HERC6: variants seen among roughly 807,000 people sequenced by gnomAD.
HERC6 encodes the protein HECT and RLD domain containing E3 ubiquitin protein ligase family member 6.
A neutral mutation model predicts 114.5 loss-of-function variants in HERC6; 101 were observed. The observed-to-expected ratio is 0.88, with a 90% CI of 0.75 to 1.04. The LOEUF is 1.04. Ranked by LOEUF, HERC6 falls within the 50% of genes least tolerant of loss-of-function variation. The pLI is 0.00. For synonymous variants in HERC6, 408 were observed against 436.2 expected, an observed-to-expected ratio of 0.94 and a Z score of 0.81; for missense variants, 1,133 against 1,230.9, an observed-to-expected ratio of 0.92 and a Z score of 1.19.
At chr4:88,383,763 C>CA (rs753643806) in intron 2 of HERC6, among the ~76,000 whole-genome samples, 1,219 of 28,772 alleles carry the variant, frequency 0.042, 352 homozygotes, top group Non-Finnish European at 0.047. Flanking sequence ...GACTCAGTCT[C>CA]AAAAAAAAAA....
At chr4:88,416,446 T>A (rs6841213) in intron 12 of HERC6, among the ~76,000 whole-genome samples, 69,155 of 151,520 alleles carry the variant, frequency 0.46, 19,302 homozygotes, top group African/African-American at 0.77. Flanking sequence ...CTATTAAAAA[T>A]TTTTTTTTAC....
Position 88,423,954 on chromosome 4 carries a change from T to G in HERC6, c.1808T>G (p.Leu603Arg). 6.6e-7 allele frequency: 1 copy of G among 1,504,326 alleles called. No individual in the cohort carries two copies. Among genetic ancestry groups the G allele is most frequent in the African/African-American group, 1.4e-5 (1 of 70,370 alleles). 93.2% of individuals were successfully genotyped at this position (1,504,326 alleles called of 1,614,324 possible). A position where few individuals can be genotyped will look rare whatever the true frequency, so the allele number is the denominator to read the frequency against. The stretch of plus-strand genomic sequence containing the variant: ...TTTTATATAGATAGAGGAAGACAGC[T>G]CTTTCGGGATAACCACCTGGTAAGA... ...LNFYIDRGRQ[L>R]FRDNHLIPAE... The change falls in exon 14 of 23, where the codon CTC becomes CGC. Residue 603 changes from leucine (L) to arginine (R), a missense_variant. Coordinates refer to ENST00000264346, the MANE Select transcript of HERC6 (RefSeq NM_017912.4).
intron 2 of HERC6, 52 bp from the exon 3 acceptor site, chr4:88,385,447 G>A: frequency 1.2e-6 from 1 of 848,662 alleles, no homozygotes; most frequent in Non-Finnish European, 1.9e-6. Flanking sequence ...TAGTCCACCG[G>A]ACAACTCGCT....
At chr4:88,430,569 C>CAAATAAATAAATAAATAAAT (rs375978104) in intron 16 of HERC6, among the ~76,000 whole-genome samples, 7 of 141,238 alleles carry the variant, frequency 5.0e-5, no homozygotes, top group African/African-American at 1.9e-4. Context: ...GACTCCATCT[C>CAAATAAATAAATAAATAAAT]AAATAAATAA....
Position 88,428,738 on chromosome 4 carries a change from CA to C in HERC6, c.2097del (p.Val700TyrfsTer2). The C allele has an allele frequency of 6.4e-7, 1 of 1,571,364 alleles. No homozygotes were observed. Among genetic ancestry groups the C allele is most frequent in the South Asian group, 1.2e-5 (1 of 82,736 alleles). ...GTCAAGCTGAAGCTACTGACTTCTG[CA>C]AAGTATTAGTGGTACAGTAAAAAGT... ...LSQAEATDFCKVLVVEFINEI... is the reference protein window; with the variant it reads ...LSQAEATDFCXVLVVEFINEI... On this transcript the variant is annotated frameshift_variant, in exon 16 of 23. Coordinates refer to ENST00000264346, the MANE Select transcript of HERC6 (RefSeq NM_017912.4). LOFTEE classifies it high-confidence loss of function.
At chr4:88,396,779 T>C (rs1278059915) in intron 6 of HERC6, 72 bp from the exon 7 acceptor site, 2 of 1,367,526 alleles carry the variant, frequency 1.5e-6, no homozygotes, top group Non-Finnish European at 1.9e-6. Flanking sequence ...TTATTTTGTC[T>C]TAAGGGACAT....
intron 13 of HERC6, among the ~76,000 whole-genome samples, 172 bp downstream of exon 13, chr4:88,417,751 TTGAGAA>T (rs1736631030): frequency 6.6e-6 from 1 of 152,060 alleles, no homozygotes; most frequent in Non-Finnish European, 1.5e-5. Flanking sequence ...GATTTAAAAG[TTGAGAA>T]ACTTTAGGAG....
At chr4:88,402,866 A>G (rs932913205) in intron 8 of HERC6, among the ~76,000 whole-genome samples, 1 of 152,006 alleles carries the variant, frequency 6.6e-6, no homozygotes, top group Non-Finnish European at 1.5e-5. Context: ...ATGTGGGGGG[A>G]AAAACTCTTC....
chr4:88,395,696 T>A (rs5025386), intron 5 of HERC6, among the ~76,000 whole-genome samples: 13,330 of 151,940 alleles, frequency 0.088, 712 homozygotes, highest in East Asian at 0.23. Context: ...TTTTTTTTTT[T>A]AAATTTGTGT....
At chr4:88,406,143 A>G (rs544648004) in intron 10 of HERC6, among the ~76,000 whole-genome samples, 114 of 152,326 alleles carry the variant, frequency 7.5e-4, no homozygotes, top group African/African-American at 2.6e-3. Flanking sequence ...GCTCTCCAAT[A>G]TGGCACCTGT....
chr4:88,437,753 A>C lies in HERC6; in HGVS notation c.2527A>C (p.Ile843Leu). The change falls in exon 20 of 23, where the codon ATC (isoleucine) becomes CTC (leucine). Residue 843 changes from isoleucine to leucine, a missense_variant. Coordinates refer to ENST00000264346, the MANE Select transcript of HERC6 (RefSeq NM_017912.4). Reference protein sequence around the residue: ...QNDVDLIPNGISIPVDQTNKR... With the variant: ...QNDVDLIPNGLSIPVDQTNKR... The stretch of plus-strand genomic sequence containing the variant: ...TGATGTTGACTTAATTCCAAATGGG[A>C]TCTCCATACCTGTGGACCAAACCAA... 1 of 1,608,174 alleles carries C rather than the reference A, an allele frequency of 6.2e-7. No individual in the cohort carries two copies.
intron 2 of HERC6, among the ~76,000 whole-genome samples, chr4:88,384,770 AG>A (rs1405673324): frequency 1.3e-5 from 2 of 152,164 alleles, no homozygotes; most frequent in East Asian, 3.9e-4. Flanking sequence ...CTGTAATCCC[AG>A]CACTTTGGCA....
chr4:88,436,464 G>A (rs1738755513), intron 18 of HERC6, among the ~76,000 whole-genome samples: 1 of 152,180 alleles, frequency 6.6e-6, no homozygotes, highest in South Asian at 2.1e-4. Context: ...TGGCAATACT[G>A]ACCTTTTGGC....
At position 88,408,617 on chromosome 4, in the gene HERC6, G is replaced by C; in HGVS notation, c.1368G>C (p.Met456Ile). 6.5e-7 allele frequency: 1 copy of C among 1,545,030 alleles called. No homozygotes were observed. Among genetic ancestry groups the C allele is most frequent in the Non-Finnish European group, 8.8e-7 (1 of 1,131,686 alleles). Reference protein sequence around the residue: ...KLTKKEWISSMITTCLEDDLL... With the variant: ...KLTKKEWISSIITTCLEDDLL... ...CAAAAAAGGAATGGATTTCTTCCATGGTAATAGCCAATACTTACTTTAGAT... is the reference window on the plus strand; with the variant it reads ...CAAAAAAGGAATGGATTTCTTCCATCGTAATAGCCAATACTTACTTTAGAT... The change falls in exon 11 of 23, where the codon ATG (methionine) becomes ATC (isoleucine). Residue 456 changes from methionine to isoleucine, a missense_variant and splice_region_variant. By Grantham distance (10) the Met-to-Ile change is conservative. This residue lies in a region of HERC6 where 735 missense variants were observed against 754.0 expected (regional missense o/e 0.97). Transcript: ENST00000264346.
At chr4:88,411,780 G>T (rs1301732008) in intron 11 of HERC6, among the ~76,000 whole-genome samples, 1 of 152,178 alleles carries the variant, frequency 6.6e-6, no homozygotes, top group Non-Finnish European at 1.5e-5. Flanking sequence ...GCATCTCTAG[G>T]CCCTGGGGCT....
chr4:88,395,725 T>C (rs957324499), intron 5 of HERC6, among the ~76,000 whole-genome samples: 1 of 152,108 alleles, frequency 6.6e-6, no homozygotes, highest in Non-Finnish European at 1.5e-5. Context: ...GGTCTTGCTA[T>C]ATTGGCCAGG....
At chr4:88,431,403 T>C (rs1738192800) in intron 17 of HERC6, 98 bp downstream of exon 17, 7 of 1,349,108 alleles carry the variant, frequency 5.2e-6, no homozygotes, top group Admixed American at 4.6e-5. Context: ...TTAGGTCATA[T>C]AGAGCTTTGC....
chr4:88,440,458 C>T (rs1739230429), intron 22 of HERC6: 1 of 489,666 alleles, frequency 2.0e-6, no homozygotes, highest in African/African-American at 2.0e-5. Flanking sequence ...GAATAGCTCT[C>T]TGCTACAGAG....
At chr4:88,400,605 A>C (rs1448164208) in intron 8 of HERC6, among the ~76,000 whole-genome samples, 2 of 152,166 alleles carry the variant, frequency 1.3e-5, no homozygotes, top group East Asian at 3.8e-4. Context: ...ACAACTCATA[A>C]ATTTTAAATG....
Sources: allele counts gnomAD v4.1 joint callset (sites outside exome capture counted in the v4.1 genomes callset), GRCh38; gene constraint gnomAD v4.1.1; regional missense constraint gnomAD v4.1.1; transcripts MANE v1.5; gene names NCBI Gene and HGNC (gene_info 2026-07-23, HGNC 2026-07-21).